Variants in COPG2 observed in about 807,000 individuals in gnomAD.
COPG2 encodes the protein coatomer subunit gamma-2.
In COPG2, 37 loss-of-function variants were observed where a neutral mutation model predicts 46.3. The observed-to-expected ratio is 0.80, with a 90% CI of 0.61 to 1.05. COPG2 has a LOEUF of 1.05. Ranked by LOEUF, COPG2 falls within the 50% of genes least tolerant of loss-of-function variation. The probability of loss-of-function intolerance (pLI) is 0.00; values close to 1 mark genes in which losing one functional copy is unlikely to be tolerated. For synonymous variants in COPG2, 159 were observed against 129.7 expected (o/e 1.23, Z -1.53); for missense variants, 427 against 387.8 (o/e 1.10, Z -0.85).
At chr7:130,629,245 C>A (rs1386164891) in intron 5 of COPG2, among the ~76,000 whole-genome samples, 4 of 151,880 alleles carry the variant, frequency 2.6e-5, no homozygotes, top group Admixed American at 6.6e-5. Flanking sequence ...CACTGATATG[C>A]CTAGAGGTAT....
chr7:130,668,165 G>A (rs1008576957), intron 1 of COPG2, among the ~76,000 whole-genome samples: 1 of 152,150 alleles, frequency 6.6e-6, no homozygotes, highest in Non-Finnish European at 1.5e-5. Context: ...CCTGGACAGA[G>A]CCGGTGACCC....
chr7:130,611,410 G>A (rs911888255), intron 8 of COPG2, among the ~76,000 whole-genome samples: 4 of 152,118 alleles, frequency 2.6e-5, no homozygotes, highest in Non-Finnish European at 2.9e-5. Flanking sequence ...CACGCTCTCG[G>A]GTCCAGGGCT....
intron 20 of COPG2, among the ~76,000 whole-genome samples, chr7:130,515,328 T>G (rs1028094015): frequency 1.4e-3 from 209 of 151,896 alleles, no homozygotes; most frequent in African/African-American, 4.9e-3. Context: ...AGGAGAAAGA[T>G]AGAGAGTGGG....
chr7:130,666,987 G>A, intron 2 of COPG2, 58 bp from the exon 3 acceptor site: 1 of 900,958 alleles, frequency 1.1e-6, no homozygotes, highest in Non-Finnish European at 1.7e-6. Context: ...ACAGATTATA[G>A]CAAATCAACT....
At chr7:130,562,668 C>A (rs1793737590) in intron 11 of COPG2, among the ~76,000 whole-genome samples, 1 of 152,108 alleles carries the variant, frequency 6.6e-6, no homozygotes, top group South Asian at 2.1e-4. Context: ...TGTAAATATA[C>A]TGGATGTCAA....
intron 20 of COPG2, among the ~76,000 whole-genome samples, chr7:130,539,701 G>A (rs903226308): frequency 2.9e-3 from 444 of 152,260 alleles, no homozygotes; most frequent in Middle Eastern, 0.014. Context: ...ATGAGGCAGC[G>A]CCAACAGGGG....
At position 130,508,000 on chromosome 7, in the gene COPG2, C is replaced by G. The variant is rs999500205; in HGVS notation, c.2248-177G>C. ...CCCTTAGCAAAGGAAAGCAAGAAAA[C>G]AGAACATCTGGCAAGAGCCTCAGAT... On this transcript the variant is annotated intron_variant, in intron 21 of 23. Transcript: ENST00000425248. 12 of 567,712 alleles carry G rather than the reference C, an allele frequency of 2.1e-5. No individual in the cohort carries two copies. The Admixed American group carries it at 3.5e-4, about 17-fold the overall frequency. 35.2% of individuals were successfully genotyped at this position (567,712 alleles called of 1,614,324 possible). A position where few individuals can be genotyped will look rare whatever the true frequency, so the allele number is the denominator to read the frequency against.
intron 20 of COPG2, among the ~76,000 whole-genome samples, chr7:130,513,184 G>A (rs1338835530): frequency 6.6e-6 from 1 of 150,588 alleles, no homozygotes; most frequent in Non-Finnish European, 1.5e-5. Flanking sequence ...TACTTGGGAG[G>A]CTGAGGCAGT....
At chr7:130,526,794 G>C (rs897948451) in intron 20 of COPG2, among the ~76,000 whole-genome samples, 3 of 148,848 alleles carry the variant, frequency 2.0e-5, no homozygotes, top group Non-Finnish European at 3.0e-5. Flanking sequence ...CTTGGGCCAG[G>C]CTCTTTACTA....
chr7:130,644,450 G>T (rs1470376894), intron 5 of COPG2, among the ~76,000 whole-genome samples: 2 of 152,166 alleles, frequency 1.3e-5, no homozygotes, highest in Non-Finnish European at 2.9e-5. Context: ...TATGTCCGGT[G>T]AAGATAGGGC....
chr7:130,662,700 T>C (rs892896262), intron 4 of COPG2, among the ~76,000 whole-genome samples: 1 of 152,224 alleles, frequency 6.6e-6, no homozygotes, highest in Non-Finnish European at 1.5e-5. Flanking sequence ...CTGACTTCTT[T>C]ATCAGTCCAC....
chr7:130,576,781 G>C (rs1389648865), intron 9 of COPG2, among the ~76,000 whole-genome samples: 2 of 151,948 alleles, frequency 1.3e-5, no homozygotes, highest in African/African-American at 4.8e-5. Flanking sequence ...AAATGAAATT[G>C]AAACAAACAA....
intron 5 of COPG2, among the ~76,000 whole-genome samples, chr7:130,621,096 T>C (rs1795031772): frequency 6.6e-6 from 1 of 152,124 alleles, no homozygotes; most frequent in Non-Finnish European, 1.5e-5. Flanking sequence ...GAAGCATATG[T>C]GACAACGAAT....
chr7:130,658,413 C>T (rs1477725600), intron 4 of COPG2, among the ~76,000 whole-genome samples: 2 of 151,938 alleles, frequency 1.3e-5, no homozygotes, highest in African/African-American at 2.4e-5. Flanking sequence ...TAAAGAGACA[C>T]GGGGGAACTT....
chr7:130,625,263 G>A (rs1795098344), intron 5 of COPG2, among the ~76,000 whole-genome samples: 1 of 151,984 alleles, frequency 6.6e-6, no homozygotes, highest in African/African-American at 2.4e-5. Flanking sequence ...TTTATATCCT[G>A]CTGTCCCACT....
intron 9 of COPG2, among the ~76,000 whole-genome samples, chr7:130,583,537 T>C (rs1202029159): frequency 7.3e-6 from 1 of 137,038 alleles, no homozygotes; most frequent in East Asian, 2.2e-4. Flanking sequence ...CCTGGTGCAG[T>C]GGCTCACGCC....
intron 9 of COPG2, among the ~76,000 whole-genome samples, chr7:130,603,659 T>C (rs1554450708): frequency 4.2e-5 from 6 of 143,168 alleles, no homozygotes; most frequent in Admixed American, 2.3e-4. Flanking sequence ...AGGCAGAGGT[T>C]GCAGTGAGCC....
At chr7:130,583,399 T>C (rs1330185136) in intron 9 of COPG2, among the ~76,000 whole-genome samples, 1 of 145,384 alleles carries the variant, frequency 6.9e-6, no homozygotes, top group African/African-American at 2.6e-5. Flanking sequence ...TAATGCTAGA[T>C]GACGAGTTAG....
At chr7:130,636,134 A>G (rs1202114702) in intron 5 of COPG2, among the ~76,000 whole-genome samples, 1 of 152,126 alleles carries the variant, frequency 6.6e-6, no homozygotes, top group African/African-American at 2.4e-5. Context: ...TATGTGGACA[A>G]TTTTAGAATA....
Sources: gnomAD v4.1 joint callset for allele counts (sites outside exome capture counted in the v4.1 genomes callset) on GRCh38, gnomAD v4.1.1 for gene constraint, MANE v1.5 for transcripts, NCBI Gene and HGNC (gene_info 2026-07-23, HGNC 2026-07-21) for gene names.